SKAP1: variants seen among roughly 807,000 people sequenced by gnomAD.
SKAP1 encodes the protein src kinase-associated phosphoprotein 1.
In SKAP1, 44 loss-of-function variants were observed where a neutral mutation model predicts 58.5. The observed-to-expected ratio is 0.75, with a 90% CI of 0.59 to 0.97. The LOEUF (loss-of-function observed/expected upper bound fraction) is 0.97. Ranked by LOEUF, SKAP1 falls within the 50% of genes least tolerant of loss-of-function variation. The pLI is 0.00. For missense variants in SKAP1, 390 were observed against 435.2 expected, an observed-to-expected ratio of 0.90 and a Z score of 0.92; for synonymous variants, 127 against 149.7, an observed-to-expected ratio of 0.85 and a Z score of 1.11.
chr17:48,336,652 G>A (rs1018249566), intron 4 of SKAP1, among the ~76,000 whole-genome samples: 3 of 152,008 alleles, frequency 2.0e-5, no homozygotes, highest in African/African-American at 7.2e-5. Flanking sequence ...GGGCAGGAAA[G>A]ATGTCCGGCA....
At chr17:48,258,769 G>A (rs1326906485) in intron 4 of SKAP1, among the ~76,000 whole-genome samples, 1 of 152,030 alleles carries the variant, frequency 6.6e-6, no homozygotes, top group Non-Finnish European at 1.5e-5. Context: ...AGTTACAGCT[G>A]CTTTTAAAAT....
chr17:48,432,460 T>C (rs1206315951), upstream of SKAP1, among the ~76,000 whole-genome samples: 2 of 151,510 alleles, frequency 1.3e-5, no homozygotes, highest in Non-Finnish European at 2.9e-5. Flanking sequence ...AAAGAAAGTA[T>C]AGCAATGGGC....
At chr17:48,297,066 C>T (rs2065986333) in intron 4 of SKAP1, among the ~76,000 whole-genome samples, 1 of 152,132 alleles carries the variant, frequency 6.6e-6, no homozygotes, top group Non-Finnish European at 1.5e-5. Context: ...CTTATAGACA[C>T]TCCTTTTGGT....
chr17:48,262,012 T>C (rs2143934712), intron 4 of SKAP1, among the ~76,000 whole-genome samples: 1 of 152,354 alleles, frequency 6.6e-6, no homozygotes, highest in East Asian at 1.9e-4. Flanking sequence ...GGTTTGTTTC[T>C]TGCTGCCAAG....
intron 4 of SKAP1, among the ~76,000 whole-genome samples, chr17:48,288,640 T>C (rs1341794827): frequency 6.6e-6 from 1 of 152,106 alleles, no homozygotes; most frequent in African/African-American, 2.4e-5. Flanking sequence ...GAGCCGAGAC[T>C]GAGCCACTGC....
At chr17:48,358,061 A>G (rs2066898709) in intron 3 of SKAP1, among the ~76,000 whole-genome samples, 1 of 152,200 alleles carries the variant, frequency 6.6e-6, no homozygotes, top group African/African-American at 2.4e-5. Flanking sequence ...ATAGGTTGAG[A>G]TAGTCTAGGT....
chr17:48,254,330 T>C (rs1020215979), intron 4 of SKAP1, among the ~76,000 whole-genome samples: 3 of 152,222 alleles, frequency 2.0e-5, no homozygotes, highest in Non-Finnish European at 4.4e-5. Flanking sequence ...GAATGGAATA[T>C]GCAAAATTTG....
intron 4 of SKAP1, among the ~76,000 whole-genome samples, chr17:48,281,087 G>A (rs952105523): frequency 3.3e-5 from 5 of 151,698 alleles, no homozygotes; most frequent in African/African-American, 7.3e-5. Context: ...GTGCAGTGGC[G>A]TGATCTTGGC....
At position 48,147,623 on chromosome 17, in the gene SKAP1, G is replaced by A. The variant is rs186151555; in HGVS notation, c.979-10286C>T. ...GAAGAGATTTTCCAGAAGGAGAAAG[G>A]AAATGGTCAGTTGGGTGGCCGGTGG... is the stretch of plus-strand genomic sequence containing the variant. On this transcript the variant is annotated intron_variant, in intron 11 of 12. Coordinates refer to ENST00000336915, the MANE Select transcript of SKAP1 (RefSeq NM_003726.4). 1.3e-4 allele frequency among the ~76,000 whole-genome samples: 20 copies of A among 152,300 alleles called. No individual in the cohort carries two copies. The East Asian group carries it at 3.3e-3, about 25-fold the overall frequency.
chr17:48,140,414 G>T (rs1311713285), intron 11 of SKAP1, among the ~76,000 whole-genome samples: 1 of 151,936 alleles, frequency 6.6e-6, no homozygotes, highest in Non-Finnish European at 1.5e-5. Context: ...TTTTAATGTG[G>T]TTGTTTTCCA....
At chr17:48,300,360 C>T (rs2066041203) in intron 4 of SKAP1, among the ~76,000 whole-genome samples, 1 of 150,774 alleles carries the variant, frequency 6.6e-6, no homozygotes, top group African/African-American at 2.5e-5. Context: ...GTGAGAGGCT[C>T]CAGGGAGTTC....
intron 2 of SKAP1, among the ~76,000 whole-genome samples, chr17:48,364,505 T>A (rs2066977567): frequency 6.6e-6 from 1 of 152,106 alleles, no homozygotes; most frequent in Non-Finnish European, 1.5e-5. Flanking sequence ...TGAAACCCTG[T>A]CTCTACTAAA....
intron 4 of SKAP1, chr17:48,193,797 G>A: frequency 1.1e-6 from 1 of 898,472 alleles, no homozygotes. Flanking sequence ...CAGATCTGCA[G>A]AGAACTACTT....
intron 1 of SKAP1, among the ~76,000 whole-genome samples, chr17:48,420,372 G>A (rs1200575937): frequency 6.6e-6 from 1 of 152,086 alleles, no homozygotes; most frequent in Non-Finnish European, 1.5e-5. Context: ...AACTGTCATT[G>A]TTTGGGAAAA....
intron 4 of SKAP1, among the ~76,000 whole-genome samples, chr17:48,255,037 C>T (rs1238199967): frequency 6.6e-6 from 1 of 152,048 alleles, no homozygotes; most frequent in African/African-American, 2.4e-5. Flanking sequence ...AGCTCCTCCC[C>T]TGGATGGGCT....
At chr17:48,276,136 CAT>C (rs1255590212) in intron 4 of SKAP1, among the ~76,000 whole-genome samples, 2 of 152,086 alleles carry the variant, frequency 1.3e-5, no homozygotes, top group African/African-American at 4.8e-5. Flanking sequence ...AATAAATAAC[CAT>C]ATGATTCACA....
intron 4 of SKAP1, among the ~76,000 whole-genome samples, chr17:48,320,316 A>T (rs2066345270): frequency 6.6e-6 from 1 of 152,232 alleles, no homozygotes; most frequent in Non-Finnish European, 1.5e-5. Context: ...ATAATAAATC[A>T]GTAATATTAT....
intron 4 of SKAP1, among the ~76,000 whole-genome samples, chr17:48,192,688 G>C (rs1396448150): frequency 6.6e-6 from 1 of 152,190 alleles, no homozygotes; most frequent in Non-Finnish European, 1.5e-5. Context: ...GGAGGAAGTA[G>C]TGATGAGCAC....
intron 4 of SKAP1, among the ~76,000 whole-genome samples, chr17:48,211,688 C>T (rs1344788906): frequency 6.6e-6 from 1 of 152,182 alleles, no homozygotes; most frequent in East Asian, 1.9e-4. Flanking sequence ...ATTCATTTAT[C>T]CAGGCTGAGC....
Sources: gnomAD v4.1 joint callset for allele counts (sites outside exome capture counted in the v4.1 genomes callset) on GRCh38, gnomAD v4.1.1 for gene constraint, MANE v1.5 for transcripts, NCBI Gene and HGNC (gene_info 2026-07-23, HGNC 2026-07-21) for gene names.